SUSD4: variants seen among roughly 807,000 people sequenced by gnomAD.
The protein encoded by SUSD4 is sushi domain containing 4.
Under a neutral mutation model 50.5 loss-of-function variants are expected in SUSD4, and 41 were observed. The ratio of observed to expected loss-of-function variants is 0.81; its 90% CI spans 0.63 to 1.05. The LOEUF (loss-of-function observed/expected upper bound fraction) is 1.05. Ranked by LOEUF, SUSD4 falls within the 50% of genes least tolerant of loss-of-function variation. The pLI is 0.00. For missense variants in SUSD4, 580 were observed against 634.7 expected, an observed-to-expected ratio of 0.91 and a Z score of 0.93; for synonymous variants, 257 against 257.3, an observed-to-expected ratio of 1.00 and a Z score of 0.01.
chr1:223,279,891 C>T (rs1028287610), intron 3 of SUSD4, among the ~76,000 whole-genome samples: 42 of 152,284 alleles, frequency 2.8e-4, no homozygotes, highest in Non-Finnish European at 4.1e-4. Context: ...GCGGATCTCT[C>T]GGCAGAAACT....
intron 2 of SUSD4, among the ~76,000 whole-genome samples, chr1:223,328,016 AC>A (rs1222181382): frequency 1.3e-5 from 2 of 152,030 alleles, no homozygotes; most frequent in Non-Finnish European, 2.9e-5. Context: ...CACAAAGGCA[AC>A]CTTTTCTTCC....
At chr1:223,333,772 A>C (rs1001871247) in intron 2 of SUSD4, among the ~76,000 whole-genome samples, 1 of 152,112 alleles carries the variant, frequency 6.6e-6, no homozygotes, top group East Asian at 1.9e-4. Flanking sequence ...TAAAGAGGTC[A>C]TTCCACCCCA....
Position 223,270,764 on chromosome 1 carries a change from T to C in SUSD4, c.362-2089A>G, listed in dbSNP as rs1042632312. On this transcript the variant is annotated intron_variant, in intron 3 of 8. Coordinates refer to ENST00000366878, the MANE Select transcript of SUSD4 (RefSeq NM_017982.4). ...TTGTATTTTTAGTAGAGATGGAGTT[T>C]CACCATATCAGCCAGGATGTTCTCG... Among the ~76,000 whole-genome samples, 6 of 152,142 alleles carry C rather than the reference T, an allele frequency of 3.9e-5. 1 individual carries two copies. The highest frequency in any genetic ancestry group is 9.7e-5 in the African/African-American group (4 of 41,418).
chr1:223,342,040 A>T (rs1045726176), intron 2 of SUSD4, among the ~76,000 whole-genome samples: 5 of 152,038 alleles, frequency 3.3e-5, no homozygotes, highest in Non-Finnish European at 7.4e-5. Flanking sequence ...AGTCTCCAAA[A>T]ATAAACATCC....
chr1:223,251,123 T>C (rs1383403929), intron 5 of SUSD4, among the ~76,000 whole-genome samples: 1 of 152,168 alleles, frequency 6.6e-6, no homozygotes, highest in African/African-American at 2.4e-5. Flanking sequence ...CCAATATGAC[T>C]GTTATGTTAG....
At chr1:223,316,685 G>A (rs941779153) in intron 2 of SUSD4, among the ~76,000 whole-genome samples, 12 of 152,144 alleles carry the variant, frequency 7.9e-5, no homozygotes, top group Non-Finnish European at 1.0e-4. Context: ...AGGCTGAGCT[G>A]GGGCTCACAT....
At chr1:223,304,076 G>A (rs577678427) in intron 2 of SUSD4, among the ~76,000 whole-genome samples, 7 of 152,326 alleles carry the variant, frequency 4.6e-5, no homozygotes, top group African/African-American at 1.4e-4. Context: ...TAGAAGAGCC[G>A]TGGCAAGATG....
In SUSD4 at chr1:223,231,927, T is replaced by C. The variant is rs569884528; in HGVS notation, c.725-2539A>G. Reference sequence around the variant, plus strand: ...TGGTCAAGGGTATGGCAAGTGTCCATTGACAGATGAATGGATAAAGAAAAT... The same window carrying C: ...TGGTCAAGGGTATGGCAAGTGTCCACTGACAGATGAATGGATAAAGAAAAT... On this transcript the variant is annotated intron_variant, in intron 5 of 8. Transcript: ENST00000366878. The surrounding 1 kb of genome is among the most constrained non-coding windows in gnomAD (Gnocchi z 4.2). Among the ~76,000 whole-genome samples, 14 of 152,288 alleles carry C rather than the reference T, an allele frequency of 9.2e-5. No individual in the cohort carries two copies. Among genetic ancestry groups the C allele is most frequent in the Middle Eastern group, 3.4e-3 (1 of 294 alleles).
At position 223,225,791 on chromosome 1, in the gene SUSD4, T is replaced by TTCCCCTCCACGTG. The variant is rs1450487789; in HGVS notation, c.1061+1790_1061+1802dup. Among the ~76,000 whole-genome samples, 44 of 152,212 alleles carry TTCCCCTCCACGTG rather than the reference T, an allele frequency of 2.9e-4. 1 individual carries two copies. Among genetic ancestry groups the TTCCCCTCCACGTG allele is most frequent in the Admixed American group, 2.2e-3 (33 of 15,288 alleles). On this transcript the variant is annotated intron_variant, in intron 7 of 8. Transcript: ENST00000366878. ...GATACAGCTCCCAAGATCTGGCAGCTTCCCCTCCACGTGTCCCCGCCATGC... is the reference window on the plus strand; with the variant it reads ...GATACAGCTCCCAAGATCTGGCAGCTTCCCCTCCACGTGTCCCCTCCACGTGTCCCCGCCATGC...
At chr1:223,237,502 A>G (rs939722310) in intron 5 of SUSD4, among the ~76,000 whole-genome samples, 1 of 151,870 alleles carries the variant, frequency 6.6e-6, no homozygotes, top group Non-Finnish European at 1.5e-5. Flanking sequence ...GATATTCTTT[A>G]TACGGTTGAG....
intron 2 of SUSD4, among the ~76,000 whole-genome samples, chr1:223,333,687 G>A (rs1667302838): frequency 6.6e-6 from 1 of 152,124 alleles, no homozygotes; most frequent in African/African-American, 2.4e-5. Flanking sequence ...GAAACGCTGG[G>A]GAATTGGAAG....
At chr1:223,346,195 T>C (rs1273939640) in intron 2 of SUSD4, among the ~76,000 whole-genome samples, 2 of 152,114 alleles carry the variant, frequency 1.3e-5, no homozygotes, top group Admixed American at 6.5e-5. Context: ...TCTTCAGACA[T>C]TGCCAAATGT....
chr1:223,268,841 GAGGTGGCTTCACGGGAGTAACGAGA>G (rs1662709705), intron 3 of SUSD4, among the ~76,000 whole-genome samples, 166 bp from the exon 4 acceptor site: 1 of 152,232 alleles, frequency 6.6e-6, no homozygotes, highest in Non-Finnish European at 1.5e-5. Flanking sequence ...ACGAGCAGAA[GAGGTGGCTTCACGGGAGTAACGAGA>G]AGGTGGCTCA....
At chr1:223,361,912 C>T (rs981850178) in intron 2 of SUSD4, among the ~76,000 whole-genome samples, 6 of 152,194 alleles carry the variant, frequency 3.9e-5, no homozygotes, top group African/African-American at 1.4e-4. Context: ...GAGGCTGTGA[C>T]CAGAGCCCTG....
At chr1:223,298,096 GGATGGATGGATGCATCGCTA>G (rs1311960788) in intron 2 of SUSD4, among the ~76,000 whole-genome samples, 2 of 151,794 alleles carry the variant, frequency 1.3e-5, no homozygotes, top group African/African-American at 4.8e-5. Flanking sequence ...GTGAATAAGT[GGATGGATGGATGCATCGCTA>G]GATGGATGGA....
At chr1:223,226,127 C>T (rs895732829) in intron 7 of SUSD4, among the ~76,000 whole-genome samples, 11 of 152,192 alleles carry the variant, frequency 7.2e-5, no homozygotes, top group Non-Finnish European at 1.5e-5. Flanking sequence ...TTTTAAAGTA[C>T]TTGAACGCAC....
Position 223,227,365 on chromosome 1 carries a change from C to T in SUSD4, c.1061+229G>A, listed in dbSNP as rs575882936. Among the ~76,000 whole-genome samples, 213 of 152,186 alleles carry T rather than the reference C, an allele frequency of 1.4e-3. 1 individual carries two copies. Among genetic ancestry groups the T allele is most frequent in the African/African-American group, 4.9e-3 (205 of 41,504 alleles). On this transcript the variant is annotated intron_variant, in intron 7 of 8. Transcript: ENST00000366878. The surrounding 1 kb of genome is among the most constrained non-coding windows in gnomAD (Gnocchi z 4.5). ...CATCGCTAGCCCCCCATGATGCCCA[C>T]CTGCAAATGGTCTACTGCAGGAAGG...
Position 223,251,504 on chromosome 1 carries a change from T to G in SUSD4, c.724+13126A>C, listed in dbSNP as rs118081900. Among the ~76,000 whole-genome samples, 86 of 152,288 alleles carry G rather than the reference T, an allele frequency of 5.6e-4. No individual in the cohort carries two copies. The East Asian group carries it at 0.015, about 27-fold the overall frequency. ...CAACACCGGGAATCAAATTTCAACA[T>G]GAGATTTGGAGGAAATAACATCCAA... On this transcript the variant is annotated intron_variant, in intron 5 of 8. Transcript: ENST00000366878.
chr1:223,298,026 A>ATGGATGGATGGATGAATGGG (rs904449415), intron 2 of SUSD4, among the ~76,000 whole-genome samples: 1 of 152,052 alleles, frequency 6.6e-6, no homozygotes, highest in African/African-American at 2.4e-5. Context: ...AGATGGATAA[A>ATGGATGGATGGATGAATGGG]TGGATGGATG....
Sources: gnomAD v4.1 joint callset for allele counts (sites outside exome capture counted in the v4.1 genomes callset) on GRCh38, gnomAD v4.1.1 for gene constraint, Gnocchi (gnomAD v3.1) non-coding constraint, MANE v1.5 for transcripts, NCBI Gene and HGNC (gene_info 2026-07-23, HGNC 2026-07-21) for gene names.